The following SORL1 variants were observed in gnomAD, a reference collection of about 807,000 sequenced individuals.
The protein encoded by SORL1 is sortilin related receptor 1.
SORL1 carries 127 observed loss-of-function variants against 273.7 expected under a neutral mutation model. The observed-to-expected ratio is 0.46, with a 90% CI of 0.40 to 0.54. The LOEUF (loss-of-function observed/expected upper bound fraction) is 0.54. Among genes scored for constraint, SORL1 ranks in the 20% least tolerant of loss-of-function variants. The pLI, the probability that SORL1 is intolerant of heterozygous loss-of-function variation, is 0.00. For synonymous variants in SORL1, 1,031 were observed against 1,067.4 expected, an observed-to-expected ratio of 0.97 and a Z score of 0.66; for missense variants, 2,494 against 2,846.1, an observed-to-expected ratio of 0.88 and a Z score of 2.81.
intron 8 of SORL1, among the ~76,000 whole-genome samples, chr11:121,516,456 A>G (rs1424767228): frequency 1.3e-5 from 2 of 152,112 alleles, no homozygotes; most frequent in African/African-American, 4.8e-5. Context: ...GGCAGGGGCA[A>G]TATTGGGGGG....
At chr11:121,511,902 G>A (rs1407763702) in intron 6 of SORL1, among the ~76,000 whole-genome samples, 1 of 152,188 alleles carries the variant, frequency 6.6e-6, no homozygotes, top group African/African-American at 2.4e-5. Flanking sequence ...AAGGATAAGT[G>A]AAGCCAAAGT....
At chr11:121,559,835 C>T (rs1428426658) in intron 21 of SORL1, among the ~76,000 whole-genome samples, 178 bp downstream of exon 21, 1 of 152,226 alleles carries the variant, frequency 6.6e-6, no homozygotes, top group East Asian at 1.9e-4. Context: ...GATACACAAA[C>T]AGCTGGAAGA....
chr11:121,624,494 G>C (rs915376808), intron 45 of SORL1, among the ~76,000 whole-genome samples: 1 of 152,200 alleles, frequency 6.6e-6, no homozygotes, highest in Non-Finnish European at 1.5e-5. Context: ...CAGTGAACAG[G>C]GGCCTGAGCT....
chr11:121,596,440 G>T lies in SORL1; in HGVS notation c.4519+668G>T, dbSNP rs997587209. Among the ~76,000 whole-genome samples, 1 of 152,218 alleles carries T rather than the reference G, an allele frequency of 6.6e-6. No homozygotes were observed. Among genetic ancestry groups the T allele is most frequent in the African/African-American group, 2.4e-5 (1 of 41,464 alleles). ...GTTTATCCTCATGTGACCAGTCAGCGCTTTTCAGTCCCTGGCTGCACGCTA... is the reference window on the plus strand; with the variant it reads ...GTTTATCCTCATGTGACCAGTCAGCTCTTTTCAGTCCCTGGCTGCACGCTA... On this transcript the variant is annotated intron_variant, in intron 32 of 47. Transcript: ENST00000260197. The surrounding 1 kb of genome is among the most constrained non-coding windows in gnomAD (Gnocchi z 4.3).
chr11:121,615,141 C>A, intron 41 of SORL1, 86 bp downstream of exon 41: 1 of 1,186,320 alleles, frequency 8.4e-7, no homozygotes, highest in Non-Finnish European at 1.2e-6. Context: ...GCTTTTCTCT[C>A]TTTTGCAAAT....
intron 8 of SORL1, among the ~76,000 whole-genome samples, chr11:121,515,597 A>G (rs1022990262): frequency 3.3e-5 from 5 of 152,180 alleles, no homozygotes; most frequent in Admixed American, 2.0e-4. Flanking sequence ...CTCAGATCCT[A>G]TAGGGCCTTC....
In SORL1 at chr11:121,607,204, G is replaced by A; in HGVS notation, c.5080G>A (p.Gly1694Ser). 2 of 1,609,154 alleles carry A rather than the reference G, an allele frequency of 1.2e-6. No homozygotes were observed. The highest frequency in any genetic ancestry group is 1.3e-5 in the African/African-American group (1 of 74,916). The part of the protein sequence containing the change: ...REYIVEYSRS[G>S]SKMWASQRAA... ...CCTTTAGGTAGAATACAGCAGGAGT[G>A]GTTCCAAGATGTGGGCCTCCCAGAG... Residue 1694 changes from glycine (G) to serine (S), a missense_variant, in exon 37 of 48, where the codon GGT (glycine) becomes AGT (serine). Around this residue, in one of 3 missense-constraint regions of SORL1, gnomAD observed 1,609 missense variants for 1,816.4 expected, o/e 0.89. Coordinates refer to ENST00000260197, the MANE Select transcript of SORL1 (RefSeq NM_003105.6).
chr11:121,613,243 G>C (rs1187568175), intron 40 of SORL1, among the ~76,000 whole-genome samples: 1 of 152,208 alleles, frequency 6.6e-6, no homozygotes, highest in Admixed American at 6.5e-5. Context: ...TGCATAACTG[G>C]TGTTCAGTAA....
intron 14 of SORL1, among the ~76,000 whole-genome samples, chr11:121,546,272 G>A (rs1394606631): frequency 1.3e-5 from 2 of 152,206 alleles, no homozygotes; most frequent in Non-Finnish European, 2.9e-5. Flanking sequence ...TCTATAATTA[G>A]GAGGAGGCCT....
At chr11:121,503,685 G>T (rs948797928) in intron 6 of SORL1, among the ~76,000 whole-genome samples, 4 of 152,060 alleles carry the variant, frequency 2.6e-5, no homozygotes, top group African/African-American at 9.7e-5. Flanking sequence ...TCACTATGTT[G>T]CCCAGGCCAC....
chr11:121,573,562 G>T (rs1862880462), intron 23 of SORL1, among the ~76,000 whole-genome samples: 1 of 152,144 alleles, frequency 6.6e-6, no homozygotes, highest in Non-Finnish European at 1.5e-5. Context: ...GCAGTGAGCC[G>T]AGATTGCGCC....
intron 21 of SORL1, among the ~76,000 whole-genome samples, chr11:121,564,422 C>T (rs547472650): frequency 1.3e-5 from 2 of 152,270 alleles, no homozygotes; most frequent in Non-Finnish European, 2.9e-5. Context: ...AAATATGATA[C>T]CCCATTTTGA....
intron 25 of SORL1, 142 bp downstream of exon 25, chr11:121,577,542 C>G (rs1341586644): frequency 1.1e-6 from 1 of 949,578 alleles, no homozygotes; most frequent in East Asian, 2.8e-5. Flanking sequence ...TCTCAAAGAG[C>G]TGGTCTTTGA....
rs1863814092 is a variant in SORL1 at position 121,627,531 on chromosome 11, T to C, written c.6365-24T>C. On this transcript the variant is annotated intron_variant, in intron 46 of 47. Coordinates refer to ENST00000260197, the MANE Select transcript of SORL1 (RefSeq NM_003105.6). The surrounding 1 kb of genome is among the most constrained non-coding windows in gnomAD (Gnocchi z 4.9). ...GTTCTCCTGCCCTCAGGTGGGCTTATTGGTGGGAACTTTGCCTTGGCAGGT... is the reference window on the plus strand; with the variant it reads ...GTTCTCCTGCCCTCAGGTGGGCTTACTGGTGGGAACTTTGCCTTGGCAGGT... 6.2e-7 allele frequency: 1 copy of C among 1,606,530 alleles called. No homozygotes were observed. The highest frequency in any genetic ancestry group is 8.5e-7 in the Non-Finnish European group (1 of 1,173,168).
In SORL1 at chr11:121,595,552, A is replaced by G; in HGVS notation, c.4370-71A>G. On this transcript the variant is annotated intron_variant, in intron 31 of 47. Transcript: ENST00000260197. The surrounding 1 kb of genome is among the most constrained non-coding windows in gnomAD (Gnocchi z 5.1). The stretch of plus-strand genomic sequence containing the variant: ...CTAAAGCACCGTAATCTCCTAGCAT[A>G]TTGATTGGTTGCTGTTATTGGCCAG... 1.5e-6 allele frequency: 2 copies of G among 1,343,766 alleles called. No individual in the cohort carries two copies. The highest frequency in any genetic ancestry group is 2.9e-5 in the African/African-American group (2 of 69,002). 83.2% of individuals were successfully genotyped at this position (1,343,766 alleles called of 1,614,324 possible).
intron 12 of SORL1, among the ~76,000 whole-genome samples, chr11:121,533,652 T>C (rs1384723666): frequency 6.6e-6 from 1 of 152,224 alleles, no homozygotes; most frequent in Non-Finnish European, 1.5e-5. Flanking sequence ...GACAAAGCTT[T>C]CTTTTTCTTT....
At chr11:121,528,427 C>T (rs1862155616) in intron 11 of SORL1, among the ~76,000 whole-genome samples, 1 of 152,046 alleles carries the variant, frequency 6.6e-6, no homozygotes, top group African/African-American at 2.4e-5. Context: ...TCAGTGCACT[C>T]CAGCCTGGGT....
intron 32 of SORL1, among the ~76,000 whole-genome samples, chr11:121,600,259 G>C (rs1445554682): frequency 6.6e-6 from 1 of 152,190 alleles, no homozygotes; most frequent in Non-Finnish European, 1.5e-5. Context: ...AAGGTCCCAA[G>C]AGGATCACCT....
At chr11:121,540,165 T>C (rs1214409898) in intron 12 of SORL1, among the ~76,000 whole-genome samples, 3 of 152,206 alleles carry the variant, frequency 2.0e-5, no homozygotes, top group African/African-American at 4.8e-5. Flanking sequence ...TCAGGAACTT[T>C]TCTGGGTAGC....
Sources: gnomAD v4.1 joint callset for allele counts (sites outside exome capture counted in the v4.1 genomes callset) on GRCh38, gnomAD v4.1.1 for gene constraint, gnomAD v4.1.1 regional missense constraint, Gnocchi (gnomAD v3.1) non-coding constraint, MANE v1.5 for transcripts, NCBI Gene and HGNC (gene_info 2026-07-23, HGNC 2026-07-21) for gene names.